The following AGBL3 variants were observed in gnomAD, a reference collection of about 807,000 sequenced individuals.
AGBL3 encodes the protein AGBL carboxypeptidase 3, also known as cytosolic carboxypeptidase 3.
Under a neutral mutation model 94.5 loss-of-function variants are expected in AGBL3, and 68 were observed. That is an observed-to-expected ratio of 0.72 (90% CI 0.59 to 0.88). The LOEUF (loss-of-function observed/expected upper bound fraction) is 0.88. Ranked by LOEUF, AGBL3 falls within the 40% of genes least tolerant of loss-of-function variation. AGBL3 has a pLI of 0.00. For synonymous variants in AGBL3, 354 were observed against 370.7 expected (o/e 0.95, Z 0.52); for missense variants, 934 against 1,103.8 (o/e 0.85, Z 2.18).
intron 4 of AGBL3, among the ~76,000 whole-genome samples, chr7:135,007,177 T>C (rs1416274336): frequency 6.6e-6 from 1 of 151,906 alleles, no homozygotes; most frequent in Non-Finnish European, 1.5e-5. Context: ...GAAGGAATGC[T>C]TCCCCATTCA....
chr7:135,096,151 C>CAAAAA (rs201040922), intron 15 of AGBL3, among the ~76,000 whole-genome samples: 3 of 147,824 alleles, frequency 2.0e-5, no homozygotes, highest in African/African-American at 5.0e-5. Context: ...GACTCTCTCT[C>CAAAAA]AAAAAAAAAA....
At chr7:135,059,332 T>G in intron 12 of AGBL3, 97 bp downstream of exon 12, 1 of 639,306 alleles carries the variant, frequency 1.6e-6, no homozygotes. Context: ...AGATATGTAA[T>G]TATTGTATCA....
chr7:135,021,469 T>C (rs984126949), intron 5 of AGBL3, among the ~76,000 whole-genome samples: 3 of 151,756 alleles, frequency 2.0e-5, no homozygotes, highest in African/African-American at 7.3e-5. Flanking sequence ...TTTTTTTGTA[T>C]TTTTAGTAGA....
rs183850209 is a variant in AGBL3, at chr7:135,134,866, A to G, written c.2368A>G (p.Ile790Val). 5.0e-4 allele frequency: 777 copies of G among 1,550,040 alleles called. 3 individuals are homozygous for G. The highest frequency in any genetic ancestry group is 1.0e-4 in the Non-Finnish European group (119 of 1,146,180). The change falls in exon 17 of 17, where the codon ATA becomes GTA. Residue 790 changes from isoleucine (I) to valine (V), a missense_variant. By Grantham distance (29) the Ile-to-Val change is conservative (BLOSUM62 3). Coordinates refer to ENST00000436302, the MANE Select transcript of AGBL3 (RefSeq NM_178563.4). ...ACTAAATCCGGCTACTTGCAGAAAT[A>G]TAAAGAAATACAGCACATCTTGGAC... is the stretch of plus-strand genomic sequence containing the variant. ...HQLNPATCRN[I>V]KKYSTSWTAP...
chr7:135,116,105 T>C (rs1413703392), intron 16 of AGBL3, among the ~76,000 whole-genome samples: 1 of 152,190 alleles, frequency 6.6e-6, no homozygotes, highest in African/African-American at 2.4e-5. Flanking sequence ...CTGAAAATAA[T>C]AAATACAATA....
At chr7:135,105,073 T>TTG (rs2117068815) in intron 15 of AGBL3, among the ~76,000 whole-genome samples, 1 of 148,828 alleles carries the variant, frequency 6.7e-6, no homozygotes, top group African/African-American at 2.5e-5. Flanking sequence ...CATTCAAGTT[T>TTG]TTTTTTTTTT....
At chr7:135,067,489 C>T (rs546483086) in intron 12 of AGBL3, among the ~76,000 whole-genome samples, 1 of 152,218 alleles carries the variant, frequency 6.6e-6, no homozygotes, top group Non-Finnish European at 1.5e-5. Flanking sequence ...AGGCACCCCC[C>T]AGTAGGGGCA....
At chr7:135,125,315 GAC>G (rs1192473639) in intron 16 of AGBL3, among the ~76,000 whole-genome samples, 2 of 151,980 alleles carry the variant, frequency 1.3e-5, no homozygotes, top group African/African-American at 2.4e-5. Context: ...GAAATTCCTG[GAC>G]ACACACACCC....
intron 16 of AGBL3, chr7:135,128,820 G>C: frequency 8.6e-7 from 1 of 1,162,264 alleles, no homozygotes; most frequent in Non-Finnish European, 1.3e-6. Flanking sequence ...CTGTGGATGA[G>C]ACAGCTGTGT....
At chr7:135,092,909 G>T (rs1822065399) in intron 15 of AGBL3, 1 of 151,664 alleles carries the variant, frequency 6.6e-6, no homozygotes, top group African/African-American at 2.4e-5. Flanking sequence ...CATGTTAATA[G>T]AATATAAAGA....
chr7:135,128,291 C>CAAA (rs61217008), intron 16 of AGBL3, among the ~76,000 whole-genome samples: 4 of 58,070 alleles, frequency 6.9e-5, no homozygotes, highest in African/African-American at 2.4e-4. Flanking sequence ...GACTCCATCT[C>CAAA]AAAAAAAAAA....
chr7:135,094,428 T>C, intron 15 of AGBL3: 1 of 456,660 alleles, frequency 2.2e-6, no homozygotes, highest in Non-Finnish European at 4.4e-6. Context: ...ACTTAAACAG[T>C]GATTTTAACA....
intron 15 of AGBL3, among the ~76,000 whole-genome samples, chr7:135,103,347 T>C (rs1449987209): frequency 6.6e-6 from 1 of 152,226 alleles, no homozygotes; most frequent in Non-Finnish European, 1.5e-5. Context: ...TTCGGGAATA[T>C]AGAAAATGTT....
intron 4 of AGBL3, among the ~76,000 whole-genome samples, chr7:134,999,336 G>T (rs1811417760): frequency 6.6e-6 from 1 of 152,174 alleles, no homozygotes; most frequent in Non-Finnish European, 1.5e-5. Flanking sequence ...GTAGTTACTT[G>T]TCAGTTGTGT....
intron 16 of AGBL3, among the ~76,000 whole-genome samples, chr7:135,122,052 T>C (rs959092271): frequency 6.6e-6 from 1 of 152,214 alleles, no homozygotes; most frequent in African/African-American, 2.4e-5. Context: ...CACAGCTGTG[T>C]CTGCCTGCTG....
chr7:135,106,230 G>A (rs1315350291), intron 15 of AGBL3, among the ~76,000 whole-genome samples: 1 of 152,064 alleles, frequency 6.6e-6, no homozygotes, highest in African/African-American at 2.4e-5. Flanking sequence ...TCTTTATCTT[G>A]GCTGATTGCT....
At chr7:135,130,655 G>A (rs928470005) in intron 16 of AGBL3, among the ~76,000 whole-genome samples, 5 of 152,066 alleles carry the variant, frequency 3.3e-5, no homozygotes, top group South Asian at 2.1e-4. Context: ...CAAGCTGAAT[G>A]TTCTTGAATT....
intron 15 of AGBL3, among the ~76,000 whole-genome samples, chr7:135,096,305 G>A (rs1330684309): frequency 6.6e-6 from 1 of 151,624 alleles, no homozygotes; most frequent in East Asian, 1.9e-4. Context: ...ACCAATGCCA[G>A]CATGGCCCAA....
At chr7:135,068,279 G>T (rs565965850) in intron 12 of AGBL3, among the ~76,000 whole-genome samples, 1 of 152,100 alleles carries the variant, frequency 6.6e-6, no homozygotes, top group Non-Finnish European at 1.5e-5. Flanking sequence ...TGAAAGTGAC[G>T]GGGAGAATGG....
Sources: allele counts gnomAD v4.1 joint callset (sites outside exome capture counted in the v4.1 genomes callset), GRCh38; gene constraint gnomAD v4.1.1; transcripts MANE v1.5; gene names NCBI Gene and HGNC (gene_info 2026-07-23, HGNC 2026-07-21).